The following ANKS6 variants were observed in gnomAD, a reference collection of about 807,000 sequenced individuals.
The protein encoded by ANKS6 is ankyrin repeat and SAM domain-containing protein 6.
In ANKS6, 47 loss-of-function variants were observed where a neutral mutation model predicts 77.9. That is an observed-to-expected ratio of 0.60 (90% CI 0.48 to 0.77). ANKS6 has a LOEUF of 0.77. Ranked by LOEUF, ANKS6 falls within the 30% of genes least tolerant of loss-of-function variation. ANKS6 has a pLI of 0.00. For synonymous variants in ANKS6, 488 were observed against 501.7 expected (o/e 0.97, Z 0.37); for missense variants, 1,150 against 1,159.1 (o/e 0.99, Z 0.11).
intron 13 of ANKS6, among the ~76,000 whole-genome samples, chr9:98,748,494 G>A (rs1832262773): frequency 6.6e-6 from 1 of 152,132 alleles, no homozygotes; most frequent in East Asian, 1.9e-4. Context: ...GTATTGTCAG[G>A]TGATAAACTT....
intron 8 of ANKS6, among the ~76,000 whole-genome samples, chr9:98,774,467 C>T (rs977029114): frequency 6.6e-6 from 1 of 152,140 alleles, no homozygotes; most frequent in Non-Finnish European, 1.5e-5. Context: ...ACAGTTTAAG[C>T]TGGGCCAGTG....
chr9:98,734,666 C>T lies in ANKS6; in HGVS notation c.*1853G>A, dbSNP rs1009008952. The T allele has an allele frequency of 4.3e-6, 4 of 933,214 alleles. No homozygotes were observed. The highest frequency in any genetic ancestry group is 5.1e-6 in the Non-Finnish European group (4 of 782,556). The allele number at this position is 933,214 out of a possible 1,614,324, so 57.8% of individuals were successfully genotyped here. A position where few individuals can be genotyped will look rare whatever the true frequency, so the allele number is the denominator to read the frequency against. On this transcript the variant is annotated 3_prime_UTR_variant, in exon 15 of 15. Transcript: ENST00000353234. Reference sequence around the variant, plus strand: ...TCTGGGCTGTTTAACTGGCAAGCTGCTTCCCTCTCCTAAGCATCCGTTTCC... The same window carrying T: ...TCTGGGCTGTTTAACTGGCAAGCTGTTTCCCTCTCCTAAGCATCCGTTTCC...
chr9:98,756,872 C>A lies in ANKS6; in HGVS notation c.2143-269G>T, dbSNP rs572599318. ...CCACCCCGCTCCCCACCCCGCCCCG[C>A]TCCCCCAATCCCAGTCCTGCCCTCC... On this transcript the variant is annotated intron_variant, in intron 11 of 14. Coordinates refer to ENST00000353234, the MANE Select transcript of ANKS6 (RefSeq NM_173551.5). Among the ~76,000 whole-genome samples, 65 of 150,636 alleles carry A rather than the reference C, an allele frequency of 4.3e-4. 1 individual carries two copies. The South Asian group carries it at 0.014, about 32-fold the overall frequency.
rs1205568868 is a variant in ANKS6, at chr9:98,796,345, C to T, written c.147G>A (p.Pro49=). The change falls in exon 1 of 15, where the codon CCG becomes CCA. Residue 49 remains proline, a synonymous_variant. Transcript: ENST00000353234. ...RGAEPEAGAE[P]AGAEVAGPGA... ...CGGGCCCGGCCACCTCGGCCCCCGC[C>T]GGCTCCGCGCCCGCCTCCGGCTCCG... The T allele has an allele frequency of 1.5e-5, 18 of 1,169,064 alleles. No individual in the cohort carries two copies. The highest frequency in any genetic ancestry group is 1.9e-5 in the Non-Finnish European group (18 of 949,092). The allele number at this position is 1,169,064 out of a possible 1,614,324, so 72.4% of individuals were successfully genotyped here. A position where few individuals can be genotyped will look rare whatever the true frequency, so the allele number is the denominator to read the frequency against.
chr9:98,740,125 G>GA (rs1354667951), intron 14 of ANKS6, among the ~76,000 whole-genome samples: 3 of 152,042 alleles, frequency 2.0e-5, no homozygotes, highest in Non-Finnish European at 2.9e-5. Flanking sequence ...TGAAAAGGGG[G>GA]AAAAATCCAC....
Position 98,736,507 on chromosome 9 carries a change from C to T in ANKS6, c.*12G>A, listed in dbSNP as rs372234983. 14 of 1,599,686 alleles carry T rather than the reference C, an allele frequency of 8.8e-6. No homozygotes were observed. The highest frequency in any genetic ancestry group is 1.3e-5 in the African/African-American group (1 of 74,660). Reference sequence around the variant, plus strand: ...TTCAGAGAGCTCACGCTGGTGGCTGCGGGAAGGAGGATCACGCACAGGGGC... The same window carrying T: ...TTCAGAGAGCTCACGCTGGTGGCTGTGGGAAGGAGGATCACGCACAGGGGC... On this transcript the variant is annotated 3_prime_UTR_variant, in exon 15 of 15. Transcript: ENST00000353234.
chr9:98,745,763 G>A (rs554761278), intron 13 of ANKS6, 88 bp from the exon 14 acceptor site: 1 of 973,094 alleles, frequency 1.0e-6, no homozygotes, highest in Admixed American at 1.7e-5. Context: ...TATGAGCTAT[G>A]AGTGCTTATT....
At chr9:98,754,889 A>G (rs1011401440) in intron 12 of ANKS6, among the ~76,000 whole-genome samples, 5 of 152,144 alleles carry the variant, frequency 3.3e-5, no homozygotes, top group Admixed American at 6.5e-5. Context: ...CAAACAGTCC[A>G]TACAGACATC....
chr9:98,793,771 G>A (rs1835031744), intron 1 of ANKS6, among the ~76,000 whole-genome samples: 1 of 151,518 alleles, frequency 6.6e-6, no homozygotes, highest in South Asian at 2.1e-4. Flanking sequence ...CTGACCTCCT[G>A]ATCTGCCCGC....
At chr9:98,796,019 C>A (rs1335324241) in intron 1 of ANKS6, 114 bp downstream of exon 1, 2 of 1,048,914 alleles carry the variant, frequency 1.9e-6, no homozygotes, top group East Asian at 6.6e-5. Context: ...ACCATTCCAA[C>A]TCTAAGGAGT....
At position 98,756,405 on chromosome 9, in the gene ANKS6, C is replaced by A. The variant is rs777122108; in HGVS notation, c.2326+15G>T. The A allele has an allele frequency of 4.4e-6, 7 of 1,609,178 alleles. No homozygotes were observed. The highest frequency in any genetic ancestry group is 5.1e-6 in the Non-Finnish European group (6 of 1,177,888). ...GAGAGGAATAGGTGGGGTTTCAGGCCCTCAGGGGACTCACCCTCATCTGTG... is the reference window on the plus strand; with the variant it reads ...GAGAGGAATAGGTGGGGTTTCAGGCACTCAGGGGACTCACCCTCATCTGTG... On this transcript the variant is annotated intron_variant, in intron 12 of 14. Transcript: ENST00000353234.
At chr9:98,757,932 T>C (rs963270519) in intron 11 of ANKS6, among the ~76,000 whole-genome samples, 1 of 151,336 alleles carries the variant, frequency 6.6e-6, no homozygotes, top group South Asian at 2.1e-4. Flanking sequence ...TGTCTCAAAA[T>C]AAATAAATAA....
intron 6 of ANKS6, 38 bp downstream of exon 6, chr9:98,780,151 C>T: frequency 6.2e-7 from 1 of 1,610,162 alleles, no homozygotes; most frequent in Non-Finnish European, 8.5e-7. Context: ...CCCCATCTCC[C>T]TAGCCCCCAA....
chr9:98,761,361 T>C (rs981867942), intron 11 of ANKS6, among the ~76,000 whole-genome samples: 2 of 152,160 alleles, frequency 1.3e-5, no homozygotes, highest in African/African-American at 4.8e-5. Context: ...CCTTGAACTC[T>C]AGGGCTTAAG....
Position 98,734,486 on chromosome 9 carries a change from CA to C in ANKS6, c.*2032del. On this transcript the variant is annotated 3_prime_UTR_variant, in exon 15 of 15. Transcript: ENST00000353234. ...CGTCAGGGGCCATGAATTTCAGAGG[CA>C]AACAATTCTAGGCCTACTGTTAACC... 2 of 985,396 alleles carry C rather than the reference CA, an allele frequency of 2.0e-6. No individual in the cohort carries two copies. Among genetic ancestry groups the C allele is most frequent in the Non-Finnish European group, 2.4e-6 (2 of 829,942 alleles). 61.0% of individuals were successfully genotyped at this position (985,396 alleles called of 1,614,324 possible). A position where few individuals can be genotyped will look rare whatever the true frequency, so the allele number is the denominator to read the frequency against.
rs1002108412 is a variant in ANKS6 at position 98,736,415 on chromosome 9, A to G, written c.*104T>C. The stretch of plus-strand genomic sequence containing the variant: ...GGGCATCCCGAGCAAAGGGAACAAC[A>G]TGACTAAGGCACAGCAGTGTGACGG... On this transcript the variant is annotated 3_prime_UTR_variant, in exon 15 of 15. Coordinates refer to ENST00000353234, the MANE Select transcript of ANKS6 (RefSeq NM_173551.5). 1.9e-5 allele frequency: 27 copies of G among 1,449,458 alleles called. No individual in the cohort carries two copies. The highest frequency in any genetic ancestry group is 4.3e-5 in the African/African-American group (3 of 69,914). The allele number at this position is 1,449,458 out of a possible 1,614,324, so 89.8% of individuals were successfully genotyped here.
intron 6 of ANKS6, among the ~76,000 whole-genome samples, chr9:98,779,193 T>C (rs1210160166): frequency 2.6e-5 from 4 of 152,192 alleles, no homozygotes; most frequent in African/African-American, 7.2e-5. Flanking sequence ...TGTTTTGTTT[T>C]CTCAGGCATA....
chr9:98,744,972 T>C (rs975770474), intron 14 of ANKS6, among the ~76,000 whole-genome samples: 2 of 152,184 alleles, frequency 1.3e-5, no homozygotes, highest in East Asian at 3.8e-4. Context: ...GGATTTGTCT[T>C]TTTTATTTTT....
rs1831473575 is a variant in ANKS6 at position 98,735,948 on chromosome 9, G to T, written c.*571C>A. ...GACTTGGACTAGGAGGGGCAAGTTA[G>T]AAGTTTTAAGGGAAGATGTGCCAGG... On this transcript the variant is annotated 3_prime_UTR_variant, in exon 15 of 15. Coordinates refer to ENST00000353234, the MANE Select transcript of ANKS6 (RefSeq NM_173551.5). 2.4e-6 allele frequency: 3 copies of T among 1,229,794 alleles called. No individual in the cohort carries two copies. The highest frequency in any genetic ancestry group is 1.6e-5 in the African/African-American group (1 of 64,358). The allele number at this position is 1,229,794 out of a possible 1,614,324, so 76.2% of individuals were successfully genotyped here.
Sources: gnomAD v4.1 joint callset for allele counts (sites outside exome capture counted in the v4.1 genomes callset) on GRCh38, gnomAD v4.1.1 for gene constraint, MANE v1.5 for transcripts, NCBI Gene and HGNC (gene_info 2026-07-23, HGNC 2026-07-21) for gene names.